Variants in DRC8 observed in about 807,000 individuals in gnomAD.
The protein encoded by DRC8 is dynein regulatory complex subunit 8, also known as dynein regulatory complex protein 8.
chr1:245,080,599 T>C, the DRC8 span, among the ~76,000 whole-genome samples: 2 of 152,186 alleles, frequency 1.3e-5, no homozygotes. Context: ...TTGAATCCTC[T>C]GTTTTTTCCA....
At chr1:244,984,652 C>G in the DRC8 span, among the ~76,000 whole-genome samples, 1 of 152,050 alleles carries the variant, frequency 6.6e-6, no homozygotes, top group African/African-American at 2.4e-5. Flanking sequence ...CTGGCCAACA[C>G]AGAGAAACCC....
At chr1:245,078,303 T>C in the DRC8 span, among the ~76,000 whole-genome samples, 6 of 152,144 alleles carry the variant, frequency 3.9e-5, no homozygotes, top group African/African-American at 1.4e-4. Flanking sequence ...AGAATTACCA[T>C]ATCATCCAAC....
the DRC8 span, among the ~76,000 whole-genome samples, chr1:245,042,747 A>C: frequency 6.6e-6 from 1 of 151,846 alleles, no homozygotes; most frequent in Non-Finnish European, 1.5e-5. Context: ...TTTGTCTCTT[A>C]TAATTGTGTG....
At chr1:245,112,447 T>TA in the DRC8 span, among the ~76,000 whole-genome samples, 3 of 152,210 alleles carry the variant, frequency 2.0e-5, no homozygotes, top group Non-Finnish European at 4.4e-5. Context: ...TATTGGAGCT[T>TA]AAAAAAGAAA....
the DRC8 span, among the ~76,000 whole-genome samples, chr1:245,009,889 C>T: frequency 6.6e-6 from 1 of 152,154 alleles, no homozygotes; most frequent in Non-Finnish European, 1.5e-5. Context: ...GAGTCTCTCT[C>T]TGTTGCCCAG....
At chr1:245,044,244 T>TCCAGACTA in the DRC8 span, among the ~76,000 whole-genome samples, 1 of 152,212 alleles carries the variant, frequency 6.6e-6, no homozygotes, top group Non-Finnish European at 1.5e-5. Context: ...TTTAGTGATT[T>TCCAGACTA]CATGTTTGTA....
chr1:245,087,236 C>T, the DRC8 span: 4 of 1,598,090 alleles, frequency 2.5e-6, no homozygotes, highest in Admixed American at 1.9e-5. Context: ...TCCTTTTTGT[C>T]TCTCTGAGGT....
the DRC8 span, among the ~76,000 whole-genome samples, chr1:245,075,120 T>C: frequency 1.9e-4 from 29 of 152,296 alleles, no homozygotes; most frequent in Admixed American, 1.7e-3. Flanking sequence ...ACGGTGTGTT[T>C]TATTGTGCCT....
At chr1:245,121,622 T>G in the DRC8 span, among the ~76,000 whole-genome samples, 1 of 152,234 alleles carries the variant, frequency 6.6e-6, no homozygotes, top group Non-Finnish European at 1.5e-5. Flanking sequence ...CCTGAGACAG[T>G]GCTGCACCTC....
At chr1:245,090,311 G>A in the DRC8 span, among the ~76,000 whole-genome samples, 3 of 152,220 alleles carry the variant, frequency 2.0e-5, no homozygotes, top group East Asian at 1.9e-4. Context: ...GTAGCAAGGG[G>A]TGGTCTTTCC....
chr1:245,004,599 A>C, the DRC8 span, among the ~76,000 whole-genome samples: 3 of 152,174 alleles, frequency 2.0e-5, no homozygotes, highest in African/African-American at 4.8e-5. Context: ...ACATTTCCCA[A>C]AACTGCATGC....
chr1:245,014,966 T>C, the DRC8 span, among the ~76,000 whole-genome samples: 7 of 152,178 alleles, frequency 4.6e-5, no homozygotes, highest in African/African-American at 1.7e-4. Context: ...TGAGTAGTTA[T>C]GTTAGGGGGA....
At chr1:245,049,359 C>T in the DRC8 span, among the ~76,000 whole-genome samples, 15 of 152,168 alleles carry the variant, frequency 9.9e-5, no homozygotes, top group Non-Finnish European at 1.9e-4. This position sits in a 1 kb window ranked among gnomAD's most constrained non-coding sequence, Gnocchi z 4.5. Context: ...TAAAAATAAC[C>T]TTAGAGTCAG....
the DRC8 span, among the ~76,000 whole-genome samples, chr1:245,099,872 G>A: frequency 6.6e-6 from 1 of 151,994 alleles, no homozygotes; most frequent in Non-Finnish European, 1.5e-5. Context: ...GTAGACAATG[G>A]TACAGTGTAT....
chr1:245,004,932 C>T, the DRC8 span, among the ~76,000 whole-genome samples: 1 of 152,174 alleles, frequency 6.6e-6, no homozygotes, highest in Non-Finnish European at 1.5e-5. Flanking sequence ...GATATGTACA[C>T]ATAATGTGCT....
chr1:245,075,974 C>G, the DRC8 span, among the ~76,000 whole-genome samples: 4 of 152,218 alleles, frequency 2.6e-5, no homozygotes, highest in Non-Finnish European at 5.9e-5. Context: ...CCCACATAGC[C>G]TGCCCTCTAG....
the DRC8 span, chr1:245,124,580 C>T: frequency 6.6e-6 from 1 of 152,216 alleles, no homozygotes; most frequent in Admixed American, 6.5e-5. Flanking sequence ...ACATTTGCAT[C>T]CCCGTTGTTC....
the DRC8 span, among the ~76,000 whole-genome samples, chr1:245,067,036 T>A: frequency 6.6e-6 from 1 of 152,224 alleles, no homozygotes; most frequent in African/African-American, 2.4e-5. Flanking sequence ...TACCTTCACA[T>A]TATAAATTTA....
chr1:245,084,299 C>T, the DRC8 span, among the ~76,000 whole-genome samples: 1 of 152,020 alleles, frequency 6.6e-6, no homozygotes, highest in Non-Finnish European at 1.5e-5. Context: ...CCAGGCTGGT[C>T]TCGAACTTCT....
Sources: gnomAD v4.1 joint callset for allele counts (sites outside exome capture counted in the v4.1 genomes callset) on GRCh38, gnomAD v4.1.1 for gene constraint, Gnocchi (gnomAD v3.1) non-coding constraint, MANE v1.5 for transcripts, NCBI Gene and HGNC (gene_info 2026-07-23, HGNC 2026-07-21) for gene names.